The following POLR1C variants were observed in gnomAD, a reference collection of about 807,000 sequenced individuals.
POLR1C encodes DNA-directed RNA polymerases I and III subunit RPAC1.
POLR1C carries 42 observed loss-of-function variants against 38.3 expected under a neutral mutation model. The observed-to-expected ratio is 1.10, with a 90% CI of 0.86 to 1.42. POLR1C has a LOEUF of 1.42. POLR1C is among the 40% of genes most tolerant of loss of function. The probability of loss-of-function intolerance (pLI) is 0.00; values close to 1 mark genes in which losing one functional copy is unlikely to be tolerated. For missense variants in POLR1C, 507 were observed against 450.5 expected (o/e 1.13, Z -1.14); for synonymous variants, 163 against 163.9 (o/e 0.99, Z 0.04).
intron 10 of POLR1C, among the ~76,000 whole-genome samples, chr6:43,553,993 A>T (rs1257321391): frequency 6.6e-6 from 1 of 152,256 alleles, no homozygotes; most frequent in Non-Finnish European, 1.5e-5. Flanking sequence ...CAATAGCCTC[A>T]TGACAGCCTT....
downstream of POLR1C, chr6:43,525,029 G>T (rs762102119): frequency 6.3e-7 from 1 of 1,591,784 alleles, no homozygotes; most frequent in Non-Finnish European, 8.6e-7. Flanking sequence ...CAGCACCCCA[G>T]TTCTTCTGAA....
chr6:43,527,828 C>A, intron 8 of POLR1C: 1 of 1,318,418 alleles, frequency 7.6e-7, no homozygotes, highest in Non-Finnish European at 1.1e-6. Flanking sequence ...CCACTTTCTT[C>A]TCCTTTGGGT....
intron 2 of POLR1C, 130 bp downstream of exon 2, chr6:43,517,507 A>C: frequency 5.1e-6 from 4 of 791,174 alleles, no homozygotes; most frequent in Non-Finnish European, 8.8e-6. Flanking sequence ...AATGTGCTAG[A>C]CGCTCCGTTT....
chr6:43,533,762 G>C (rs1042182859), downstream of POLR1C: 10 of 464,306 alleles, frequency 2.2e-5, no homozygotes, highest in African/African-American at 6.0e-5. Context: ...TTGAGTCCAA[G>C]AGTTTGAGCC....
At position 43,520,673 on chromosome 6, in the gene POLR1C, T is replaced by C. The variant is rs1214095029; in HGVS notation, c.704T>C (p.Leu235Pro). ...FSPVATASYR[L>P]LPDITLLEPV... ...CCAGTGGCAACAGCCAGTTACAGGC[T>C]CCTGCCAGACATCACCCTGCTTGAG... is the stretch of plus-strand genomic sequence containing the variant. Residue 235 changes from leucine to proline, a missense_variant, in exon 7 of 9, where the codon CTC becomes CCC. Transcript: ENST00000642195. The C allele has an allele frequency of 5.6e-6, 9 of 1,613,994 alleles. No individual in the cohort carries two copies. The South Asian group carries it at 9.9e-5, about 18-fold the overall frequency.
downstream of POLR1C, chr6:43,522,501 C>T (rs1341365883): frequency 4.8e-5 from 10 of 206,808 alleles, no homozygotes; most frequent in Non-Finnish European, 1.1e-4. Context: ...CCCAACCAGA[C>T]AGGAATAGGC....
intron 8 of POLR1C, chr6:43,527,523 C>T (rs928680283): frequency 3.4e-5 from 37 of 1,072,680 alleles, no homozygotes; most frequent in East Asian, 1.5e-4. Flanking sequence ...CCACCATGCC[C>T]GCCGCAAACA....
intron 10 of POLR1C, chr6:43,561,386 T>TC: frequency 6.0e-6 from 1 of 166,096 alleles, no homozygotes; most frequent in African/African-American, 2.4e-5. Context: ...TCTTTTCTTT[T>TC]TTTTTTCTTT....
intron 9 of POLR1C, among the ~76,000 whole-genome samples, chr6:43,536,758 T>TAAAAAAAAAAAAAAAAAAAAA (rs1156884252): frequency 5.2e-5 from 1 of 19,100 alleles, no homozygotes; most frequent in Non-Finnish European, 8.6e-5. Context: ...AGACTCTATC[T>TAAAAAAAAAAAAAAAAAAAAA]AAAAAAAAAA....
At chr6:43,541,854 T>C (rs943208686) in intron 9 of POLR1C, among the ~76,000 whole-genome samples, 1 of 152,226 alleles carries the variant, frequency 6.6e-6, no homozygotes, top group Non-Finnish European at 1.5e-5. Flanking sequence ...CTTAGCTCAC[T>C]GTAACCTCCA....
chr6:43,560,829 A>C, intron 10 of POLR1C: 1 of 1,082,306 alleles, frequency 9.2e-7, no homozygotes, highest in Non-Finnish European at 1.4e-6. Flanking sequence ...GAAGAGTCAC[A>C]TTTTATACAT....
chr6:43,558,484 A>C, intron 10 of POLR1C: 5 of 1,577,792 alleles, frequency 3.2e-6, no homozygotes, highest in Non-Finnish European at 3.4e-6. Flanking sequence ...GAGAAATCCA[A>C]GGCCAACATC....
downstream of POLR1C, chr6:43,526,089 T>C (rs1793569193): frequency 1.6e-6 from 1 of 642,876 alleles, no homozygotes; most frequent in South Asian, 2.0e-5. Flanking sequence ...TGCCCATGGC[T>C]GATCTTCTAG....
At chr6:43,548,522 C>A (rs879525102) in intron 9 of POLR1C, 26 of 1,386,734 alleles carry the variant, frequency 1.9e-5, no homozygotes, top group Middle Eastern at 1.9e-4. Context: ...GGAGAGGTGG[C>A]TTACTCAAGG....
chr6:43,551,938 A>G (rs759383428), intron 10 of POLR1C, among the ~76,000 whole-genome samples: 2 of 152,104 alleles, frequency 1.3e-5, no homozygotes, highest in East Asian at 3.9e-4. Flanking sequence ...AAGTGTTGGG[A>G]TTACAAGTGT....
At chr6:43,539,470 C>T in intron 9 of POLR1C, 1 of 1,577,396 alleles carries the variant, frequency 6.3e-7, no homozygotes, top group South Asian at 1.1e-5. Context: ...AGATCTCCTC[C>T]AGGGACTTGA....
chr6:43,529,553 C>CAA (rs1186641934), exon 9 of POLR1C: 2,871 of 101,678 alleles, frequency 0.028, 40 homozygotes, highest in Non-Finnish European at 0.035. Flanking sequence ...GACTCCGTCT[C>CAA]AAAAAAAAAA....
chr6:43,531,885 A>G (rs1372911564), downstream of POLR1C, among the ~76,000 whole-genome samples: 1 of 152,204 alleles, frequency 6.6e-6, no homozygotes, highest in Non-Finnish European at 1.5e-5. Flanking sequence ...TGCTCCCACA[A>G]TTAAGTTATG....
At chr6:43,530,650 T>C, downstream of POLR1C, 1 of 1,603,558 alleles carries the variant, frequency 6.2e-7, no homozygotes, top group South Asian at 1.1e-5. Flanking sequence ...TCTAATTTTC[T>C]GACCTTTTGG....
Sources: gnomAD v4.1 joint callset for allele counts (sites outside exome capture counted in the v4.1 genomes callset) on GRCh38, gnomAD v4.1.1 for gene constraint, MANE v1.5 for transcripts, NCBI Gene and HGNC (gene_info 2026-07-23, HGNC 2026-07-21) for gene names.